ADAM7: variants seen among roughly 807,000 people sequenced by gnomAD.
ADAM7 encodes the protein ADAM metallopeptidase domain 7.
In ADAM7, 97 loss-of-function variants were observed where a neutral mutation model predicts 102.9. The observed-to-expected ratio is 0.94, with a 90% CI of 0.80 to 1.12. ADAM7 has a LOEUF of 1.12. Among genes scored for constraint, ADAM7 ranks in the 50% most tolerant of loss-of-function variants. The probability of loss-of-function intolerance (pLI) is 0.00; values close to 1 mark genes in which losing one functional copy is unlikely to be tolerated. For missense variants in ADAM7, 991 were observed against 908.7 expected (o/e 1.09, Z -1.16); for synonymous variants, 334 against 304.4 (o/e 1.10, Z -1.01).
At chr8:24,465,803 T>G in intron 5 of ADAM7, 28 bp downstream of exon 5, 1 of 1,522,714 alleles carries the variant, frequency 6.6e-7, no homozygotes, top group Non-Finnish European at 8.9e-7. Context: ...TCTTTTTCCT[T>G]TATGAGTTTT....
At chr8:24,489,910 T>C (rs1159431256) in intron 12 of ADAM7, among the ~76,000 whole-genome samples, 1 of 152,220 alleles carries the variant, frequency 6.6e-6, no homozygotes, top group Non-Finnish European at 1.5e-5. Context: ...ATCACATAGA[T>C]ATGTCTTCTA....
At chr8:24,458,126 G>A (rs186438383) in intron 3 of ADAM7, among the ~76,000 whole-genome samples, 4 of 152,134 alleles carry the variant, frequency 2.6e-5, no homozygotes, top group African/African-American at 7.2e-5. Flanking sequence ...GGCACAATGT[G>A]TAACTCTTCT....
chr8:24,441,253 T>C lies in ADAM7; in HGVS notation c.52+93T>C, dbSNP rs374387628. 3.0e-5 allele frequency: 38 copies of C among 1,274,020 alleles called. No homozygotes were observed. In the African/African-American group the frequency reaches 5.3e-4, roughly 18 times the overall value. 78.9% of individuals were successfully genotyped at this position (1,274,020 alleles called of 1,614,324 possible). On this transcript the variant is annotated intron_variant, in intron 1 of 21. Transcript: ENST00000175238. ...CTTTAAACTGTAAGTGATAAAAACA[T>C]TAAACGTTGATGATTTTTCTGAGAG...
At chr8:24,479,013 T>G (rs934541644) in intron 8 of ADAM7, among the ~76,000 whole-genome samples, 1 of 152,108 alleles carries the variant, frequency 6.6e-6, no homozygotes, top group Non-Finnish European at 1.5e-5. Flanking sequence ...TTAGGGTGGG[T>G]CCTGAATTGT....
chr8:24,444,286 T>TTAAA (rs1275426567), intron 2 of ADAM7, among the ~76,000 whole-genome samples: 18 of 150,794 alleles, frequency 1.2e-4, no homozygotes, highest in African/African-American at 4.4e-4. Flanking sequence ...AATAAATAAA[T>TTAAA]TAAATAAATA....
At chr8:24,469,253 A>G (rs543810531) in intron 7 of ADAM7, among the ~76,000 whole-genome samples, 66 of 152,276 alleles carry the variant, frequency 4.3e-4, no homozygotes, top group African/African-American at 1.5e-3. Flanking sequence ...GAGAAGCACA[A>G]TACTGAAATT....
intron 17 of ADAM7, 152 bp from the exon 18 acceptor site, chr8:24,500,026 G>T (rs1820700310): frequency 3.9e-6 from 2 of 516,018 alleles, no homozygotes; most frequent in African/African-American, 3.9e-5. Flanking sequence ...ATACATCATT[G>T]ATTTTGTTAC....
chr8:24,492,845 C>T (rs1272048635), intron 15 of ADAM7, among the ~76,000 whole-genome samples, 198 bp from the exon 16 acceptor site: 1 of 152,134 alleles, frequency 6.6e-6, no homozygotes, highest in Non-Finnish European at 1.5e-5. Flanking sequence ...GAAATATGAT[C>T]ATTTTACATT....
intron 9 of ADAM7, among the ~76,000 whole-genome samples, chr8:24,483,722 G>T (rs545258191): frequency 6.6e-6 from 1 of 152,146 alleles, no homozygotes; most frequent in East Asian, 1.9e-4. Flanking sequence ...GGAATGGAGC[G>T]TGGTAAAACA....
intron 12 of ADAM7, 127 bp from the exon 13 acceptor site, chr8:24,490,672 C>A: frequency 1.1e-6 from 1 of 877,722 alleles, no homozygotes. Flanking sequence ...TATGTATGTA[C>A]CACAGCCAAC....
intron 3 of ADAM7, among the ~76,000 whole-genome samples, chr8:24,454,463 C>T (rs1028296075): frequency 4.6e-5 from 7 of 152,138 alleles, no homozygotes; most frequent in Middle Eastern, 3.2e-3. Flanking sequence ...GAGCCAGGTG[C>T]GGGATATAAT....
At chr8:24,490,606 C>T (rs999107717) in intron 12 of ADAM7, 193 bp from the exon 13 acceptor site, 12 of 564,224 alleles carry the variant, frequency 2.1e-5, no homozygotes, top group Admixed American at 3.2e-5. Flanking sequence ...TACCAAACAG[C>T]ACGAGAGAAG....
At chr8:24,486,905 A>G (rs1168314456) in intron 10 of ADAM7, among the ~76,000 whole-genome samples, 1 of 152,220 alleles carries the variant, frequency 6.6e-6, no homozygotes, top group Non-Finnish European at 1.5e-5. Flanking sequence ...AACTATTTAT[A>G]AGAATGAGCT....
intron 3 of ADAM7, among the ~76,000 whole-genome samples, chr8:24,455,988 A>G (rs1161488077): frequency 6.6e-6 from 1 of 152,146 alleles, no homozygotes; most frequent in East Asian, 1.9e-4. Flanking sequence ...AAACACTTGA[A>G]ATTTACTCTC....
At chr8:24,486,834 T>G (rs1820160535) in intron 10 of ADAM7, among the ~76,000 whole-genome samples, 1 of 152,200 alleles carries the variant, frequency 6.6e-6, no homozygotes, top group Non-Finnish European at 1.5e-5. Context: ...GTTAGTTTTA[T>G]ACCTTCGACA....
At chr8:24,489,717 T>A (rs946438719) in intron 12 of ADAM7, among the ~76,000 whole-genome samples, 1 of 152,206 alleles carries the variant, frequency 6.6e-6, no homozygotes, top group African/African-American at 2.4e-5. Flanking sequence ...CTAGCCTGTA[T>A]CACAGCTGGA....
intron 7 of ADAM7, among the ~76,000 whole-genome samples, chr8:24,473,893 T>C (rs1315281311): frequency 6.6e-6 from 1 of 152,086 alleles, no homozygotes; most frequent in Non-Finnish European, 1.5e-5. Context: ...ATATATAGTA[T>C]ATATTTGTGT....
At chr8:24,500,752 G>C in intron 18 of ADAM7, 38 bp from the exon 19 acceptor site, 1 of 1,535,502 alleles carries the variant, frequency 6.5e-7, no homozygotes, top group Non-Finnish European at 9.0e-7. Context: ...TTTTACAACT[G>C]ATACCCTCGA....
intron 7 of ADAM7, among the ~76,000 whole-genome samples, chr8:24,469,186 C>A (rs929356917): frequency 9.9e-5 from 15 of 152,186 alleles, no homozygotes; most frequent in South Asian, 4.1e-4. Context: ...GGCTTGGTGA[C>A]CCCGCTATAC....
Sources: gnomAD v4.1 joint callset for allele counts (sites outside exome capture counted in the v4.1 genomes callset) on GRCh38, gnomAD v4.1.1 for gene constraint, MANE v1.5 for transcripts, NCBI Gene and HGNC (gene_info 2026-07-23, HGNC 2026-07-21) for gene names.